The following PRH1 variants were observed in gnomAD, a reference collection of about 807,000 sequenced individuals.
The protein encoded by PRH1 is salivary acidic proline-rich phosphoprotein 1/2.
In PRH1, 7 loss-of-function variants were observed where a neutral mutation model predicts 7.9. The ratio of observed to expected loss-of-function variants is 0.89; its 90% CI spans 0.50 to 1.67. PRH1 has a LOEUF of 1.67. PRH1 is among the 40% of genes most tolerant of loss of function. The pLI is 0.00. For missense variants in PRH1, 109 were observed against 223.6 expected (o/e 0.49, Z 3.27); for synonymous variants, 45 against 80.8 (o/e 0.56, Z 2.38).
chr12:10,971,546 T>C (rs1285306126), intron 2 of PRH1, among the ~76,000 whole-genome samples: 1 of 152,182 alleles, frequency 6.6e-6, no homozygotes, highest in Non-Finnish European at 1.5e-5. Context: ...CAACTTTAGC[T>C]ATGAAAACAC....
intron 1 of PRH1, chr12:11,031,320 G>T: frequency 1.2e-6 from 2 of 1,613,134 alleles, no homozygotes; most frequent in Non-Finnish European, 1.7e-6. Flanking sequence ...AAAATGATGG[G>T]TATAAAAGTT....
intron 1 of PRH1, among the ~76,000 whole-genome samples, chr12:11,123,946 T>C (rs1421578680): frequency 1.3e-5 from 2 of 152,188 alleles, no homozygotes; most frequent in Non-Finnish European, 2.9e-5. Flanking sequence ...TTTTTAAAAG[T>C]GTTTTTGATT....
intron 2 of PRH1, among the ~76,000 whole-genome samples, chr12:10,947,074 C>T (rs1384073269): frequency 9.2e-5 from 14 of 152,036 alleles, no homozygotes; most frequent in Non-Finnish European, 2.9e-5. Flanking sequence ...AGAGTATGTG[C>T]CATGTGGCTA....
intron 1 of PRH1, among the ~76,000 whole-genome samples, chr12:10,981,365 A>ATTTTT (rs528019045): frequency 2.7e-5 from 3 of 111,592 alleles, no homozygotes; most frequent in African/African-American, 3.4e-5. Context: ...TTACTTCTGG[A>ATTTTT]TTTTTTTTTT....
At chr12:11,002,762 C>A (rs1054056406) in intron 1 of PRH1, among the ~76,000 whole-genome samples, 2 of 151,966 alleles carry the variant, frequency 1.3e-5, no homozygotes, top group African/African-American at 4.8e-5. Context: ...TAACAGTTAT[C>A]TTTCTATGTT....
At chr12:10,917,443 T>A (rs555404349) in intron 2 of PRH1, among the ~76,000 whole-genome samples, 1 of 152,330 alleles carries the variant, frequency 6.6e-6, no homozygotes, top group Admixed American at 6.5e-5. Context: ...TCAGTTCTTC[T>A]GTAGGATCAT....
At chr12:11,048,888 T>C (rs2597985), upstream of PRH1, 122,023 of 268,648 alleles carry the variant, frequency 0.45, 29,307 homozygotes, top group Non-Finnish European at 0.51. Flanking sequence ...TCTTAATCCT[T>C]TTCTTTAGGT....
chr12:10,937,799 T>C (rs1053205632), intron 2 of PRH1: 1 of 152,592 alleles, frequency 6.6e-6, no homozygotes, highest in Non-Finnish European at 1.5e-5. Flanking sequence ...AATTACTTTT[T>C]TGCATACACG....
At chr12:11,025,936 T>C (rs1318187398) in intron 1 of PRH1, among the ~76,000 whole-genome samples, 1 of 152,302 alleles carries the variant, frequency 6.6e-6, no homozygotes, top group Non-Finnish European at 1.5e-5. Context: ...TAACACCATG[T>C]TCTTTTTAAA....
chr12:11,108,990 T>C (rs2600340), intron 1 of PRH1, among the ~76,000 whole-genome samples: 113,330 of 152,082 alleles, frequency 0.75, 44,738 homozygotes, highest in East Asian at 0.96. Context: ...AAGGGAAGGA[T>C]GTCCGCCATT....
At chr12:11,021,578 A>G (rs1320098584) in intron 1 of PRH1, 6 of 1,003,936 alleles carry the variant, frequency 6.0e-6, no homozygotes, top group Non-Finnish European at 8.8e-6. Flanking sequence ...ATAGAAATAT[A>G]AAATGTTCCA....
rs569801435 is a variant in PRH1, at chr12:10,892,946, A to T, written c.-58-8671T>A. Reference sequence around the variant, plus strand: ...TGTGAACTGGGGATGTATGTGCAGAAATCAGAGCCTAAGTATGGTAAGCTG... The same window carrying T: ...TGTGAACTGGGGATGTATGTGCAGATATCAGAGCCTAAGTATGGTAAGCTG... On this transcript the variant is annotated intron_variant, in intron 2 of 3. Coordinates refer to the PRH1 transcript ENST00000539853. Among the ~76,000 whole-genome samples, 21 of 152,326 alleles carry T rather than the reference A, an allele frequency of 1.4e-4. 1 individual carries two copies. In the South Asian group the frequency reaches 4.4e-3, roughly 32 times the overall value.
chr12:11,080,924 A>C (rs1944477706), intron 1 of PRH1, among the ~76,000 whole-genome samples: 1 of 123,270 alleles, frequency 8.1e-6, no homozygotes, highest in Non-Finnish European at 1.9e-5. Context: ...TCTATCTTCA[A>C]CCTCTAGCTA....
chr12:11,010,043 A>T (rs1940997751), intron 1 of PRH1, among the ~76,000 whole-genome samples: 1 of 151,948 alleles, frequency 6.6e-6, no homozygotes, highest in Non-Finnish European at 1.5e-5. Context: ...TAATTAAGGA[A>T]TTTTATTTAC....
chr12:10,939,615 T>A (rs938305995), intron 2 of PRH1, among the ~76,000 whole-genome samples: 1 of 150,804 alleles, frequency 6.6e-6, no homozygotes, highest in South Asian at 2.1e-4. Flanking sequence ...TCTGGGGAAG[T>A]ATCATTACAA....
chr12:11,116,524 C>G (rs769788531), downstream of PRH1, among the ~76,000 whole-genome samples: 1 of 151,980 alleles, frequency 6.6e-6, no homozygotes, highest in Non-Finnish European at 1.5e-5. Flanking sequence ...CAATCCTACA[C>G]AAACTATTCT....
At chr12:11,126,851 T>C (rs1233150516) in intron 1 of PRH1, among the ~76,000 whole-genome samples, 2 of 152,252 alleles carry the variant, frequency 1.3e-5, no homozygotes, top group African/African-American at 2.4e-5. Context: ...AAATAATATG[T>C]TGAAATATCA....
At chr12:10,909,024 G>C in intron 2 of PRH1, 2 of 1,613,718 alleles carry the variant, frequency 1.2e-6, no homozygotes, top group Non-Finnish European at 1.7e-6. Context: ...GAAGTGATTA[G>C]AAACTATCCA....
chr12:11,166,851 G>A (rs1001598545), intron 1 of PRH1, among the ~76,000 whole-genome samples: 1 of 152,186 alleles, frequency 6.6e-6, no homozygotes, highest in African/African-American at 2.4e-5. Flanking sequence ...CTTTCTGGAG[G>A]CTCTAGGAAG....
Sources: allele counts gnomAD v4.1 joint callset (sites outside exome capture counted in the v4.1 genomes callset), GRCh38; gene constraint gnomAD v4.1.1; transcripts MANE v1.5; gene names NCBI Gene and HGNC (gene_info 2026-07-23, HGNC 2026-07-21).